The following GALNT13 variants were observed in gnomAD, a reference collection of about 807,000 sequenced individuals.
GALNT13 encodes UDP-GalNAc:polypeptide N-acetylgalactosaminyltransferase 13.
In GALNT13, 28 loss-of-function variants were observed where a neutral mutation model predicts 64.2. That is an observed-to-expected ratio of 0.44 (90% CI 0.32 to 0.60). GALNT13 has a LOEUF of 0.60. GALNT13 is among the 20% of genes least tolerant of loss of function. The probability of loss-of-function intolerance (pLI) is 0.05; values close to 1 mark genes in which losing one functional copy is unlikely to be tolerated. For missense variants in GALNT13, 577 were observed against 669.8 expected, an observed-to-expected ratio of 0.86 and a Z score of 1.53; for synonymous variants, 214 against 224.6, an observed-to-expected ratio of 0.95 and a Z score of 0.42.
chr2:153,983,970 G>A (rs757434845), intron 3 of GALNT13, among the ~76,000 whole-genome samples: 2 of 151,858 alleles, frequency 1.3e-5, no homozygotes, highest in Non-Finnish European at 2.9e-5. Flanking sequence ...AATTTTGCTC[G>A]TTAGCTTAAG....
the GALNT13 span, among the ~76,000 whole-genome samples, chr2:153,836,223 T>C: frequency 6.6e-6 from 1 of 152,162 alleles, no homozygotes; most frequent in Admixed American, 6.5e-5. Context: ...TTATTGTATA[T>C]ATTTAAAGTG....
chr2:153,950,205 A>T (rs72865060), intron 3 of GALNT13, among the ~76,000 whole-genome samples: 4 of 151,934 alleles, frequency 2.6e-5, no homozygotes, highest in African/African-American at 9.7e-5. Flanking sequence ...TTAAGTACGT[A>T]TAAGTAACTT....
At chr2:154,020,270 G>T (rs1356533710) in intron 3 of GALNT13, among the ~76,000 whole-genome samples, 1 of 152,070 alleles carries the variant, frequency 6.6e-6, no homozygotes, top group Non-Finnish European at 1.5e-5. Context: ...CTGAGGAATC[G>T]CCACACCGAC....
chr2:153,385,547 C>T, the GALNT13 span, among the ~76,000 whole-genome samples: 19 of 151,772 alleles, frequency 1.3e-4, no homozygotes, highest in South Asian at 3.3e-3. Context: ...GGAATGGTAG[C>T]GATAGTGGGG....
chr2:154,298,372 T>C (rs967332256), intron 8 of GALNT13, among the ~76,000 whole-genome samples: 1 of 135,562 alleles, frequency 7.4e-6, no homozygotes, highest in Admixed American at 8.0e-5. Context: ...ATAATATCAC[T>C]AAATTACATA....
At chr2:153,317,358 G>C in the GALNT13 span, among the ~76,000 whole-genome samples, 1 of 152,088 alleles carries the variant, frequency 6.6e-6, no homozygotes, top group African/African-American at 2.4e-5. Context: ...TGGTGGATAA[G>C]CAGAAATGAG....
chr2:153,396,820 A>G, the GALNT13 span, among the ~76,000 whole-genome samples: 1 of 152,142 alleles, frequency 6.6e-6, no homozygotes, highest in Non-Finnish European at 1.5e-5. Context: ...ATTTCAGTTT[A>G]TTAGGAACAT....
the GALNT13 span, among the ~76,000 whole-genome samples, chr2:153,624,792 C>CTT: frequency 8.2e-5 from 10 of 121,228 alleles, no homozygotes; most frequent in Admixed American, 2.5e-4. Flanking sequence ...GGAAGAGAGA[C>CTT]TTTTTTTTTT....
At chr2:153,890,823 A>AAT (rs1687501674) in intron 1 of GALNT13, among the ~76,000 whole-genome samples, 1 of 151,940 alleles carries the variant, frequency 6.6e-6, no homozygotes. Flanking sequence ...AGAGCTGTTA[A>AAT]ACCTGAATAG....
intron 3 of GALNT13, among the ~76,000 whole-genome samples, chr2:154,011,762 A>T (rs947925819): frequency 1.3e-5 from 2 of 152,198 alleles, no homozygotes; most frequent in African/African-American, 4.8e-5. Context: ...TGTTGGGTGC[A>T]TATATATTTA....
the GALNT13 span, among the ~76,000 whole-genome samples, chr2:153,635,900 CA>C: frequency 6.6e-6 from 1 of 151,764 alleles, no homozygotes; most frequent in Non-Finnish European, 1.5e-5. Flanking sequence ...TGCTTTGAGG[CA>C]GGGGTAAAAA....
chr2:153,584,722 A>ATCTGAAGAT, the GALNT13 span, among the ~76,000 whole-genome samples: 2 of 152,186 alleles, frequency 1.3e-5, no homozygotes, highest in African/African-American at 4.8e-5. Context: ...CACCACTGAA[A>ATCTGAAGAT]TCTGAAGACA....
the GALNT13 span, among the ~76,000 whole-genome samples, chr2:153,411,904 G>T: frequency 6.6e-6 from 1 of 152,330 alleles, no homozygotes; most frequent in East Asian, 1.9e-4. Context: ...CTGTGAGGGT[G>T]TTGCCAAAGG....
At chr2:153,252,468 T>G in the GALNT13 span, among the ~76,000 whole-genome samples, 47,959 of 142,722 alleles carry the variant, frequency 0.34, 8,247 homozygotes, top group Middle Eastern at 0.49. Flanking sequence ...AGAAGCTCTT[T>G]AGTTTAATTA....
intron 8 of GALNT13, among the ~76,000 whole-genome samples, chr2:154,268,447 G>A (rs1027723999): frequency 1.3e-5 from 2 of 152,110 alleles, no homozygotes; most frequent in Admixed American, 1.3e-4. Flanking sequence ...GATTACCAAG[G>A]GGAGCATGAA....
the GALNT13 span, among the ~76,000 whole-genome samples, chr2:153,687,268 G>T: frequency 1.3e-5 from 2 of 151,842 alleles, no homozygotes; most frequent in Non-Finnish European, 1.5e-5. Flanking sequence ...AATCCATCTG[G>T]CCCTGGGCTT....
At chr2:153,544,573 A>T in the GALNT13 span, among the ~76,000 whole-genome samples, 1 of 152,236 alleles carries the variant, frequency 6.6e-6, no homozygotes, top group Non-Finnish European at 1.5e-5. Context: ...GATCACTTAC[A>T]AAATGATCTG....
chr2:153,651,633 G>A, the GALNT13 span, among the ~76,000 whole-genome samples: 3 of 152,124 alleles, frequency 2.0e-5, no homozygotes, highest in Non-Finnish European at 4.4e-5. Context: ...CACAGTAGTT[G>A]GTTGGCATTG....
chr2:153,625,033 A>C, the GALNT13 span, among the ~76,000 whole-genome samples: 1 of 152,144 alleles, frequency 6.6e-6, no homozygotes, highest in Non-Finnish European at 1.5e-5. Flanking sequence ...AAAGTAGGAA[A>C]GAAAGGAAAT....
Sources: allele counts gnomAD v4.1 joint callset (sites outside exome capture counted in the v4.1 genomes callset), GRCh38; gene constraint gnomAD v4.1.1; transcripts MANE v1.5; gene names NCBI Gene and HGNC (gene_info 2026-07-23, HGNC 2026-07-21).